Variants in ENTHD1 observed in about 807,000 individuals in gnomAD.
ENTHD1 encodes ENTH domain-containing protein 1.
In ENTHD1, 23 loss-of-function variants were observed where a neutral mutation model predicts 39.1. The ratio of observed to expected loss-of-function variants is 0.59; its 90% CI spans 0.42 to 0.83. The LOEUF (loss-of-function observed/expected upper bound fraction) is 0.83. Ranked by LOEUF, ENTHD1 falls within the 40% of genes least tolerant of loss-of-function variation. ENTHD1 has a pLI of 0.00. For missense variants in ENTHD1, 624 were observed against 705.4 expected (o/e 0.88, Z 1.31); for synonymous variants, 230 against 258.2 (o/e 0.89, Z 1.05).
At chr22:39,762,648 C>T (rs1268531927) in intron 6 of ENTHD1, among the ~76,000 whole-genome samples, 1 of 152,032 alleles carries the variant, frequency 6.6e-6, no homozygotes, top group African/African-American at 2.4e-5. Context: ...GATGGGGTCT[C>T]CCTATGTTGC....
chr22:39,814,295 CAA>C (rs77915572), intron 5 of ENTHD1, among the ~76,000 whole-genome samples: 14 of 97,660 alleles, frequency 1.4e-4, no homozygotes, highest in Admixed American at 2.2e-4. Flanking sequence ...CCCATCTCTA[CAA>C]AAAAAAAAAA....
At position 39,791,587 on chromosome 22, in the gene ENTHD1, G is replaced by A. The variant is rs1011439763; in HGVS notation, c.833-25978C>T. On this transcript the variant is annotated intron_variant, in intron 5 of 6. Transcript: ENST00000325157. ...TTTTTTTTGTATTTTTATTAGAGACGGGGTTTTGCCATGTTGCCTAGACTG... is the reference window on the plus strand; with the variant it reads ...TTTTTTTTGTATTTTTATTAGAGACAGGGTTTTGCCATGTTGCCTAGACTG... Among the ~76,000 whole-genome samples the A allele has an allele frequency of 5.3e-5, 8 of 151,838 alleles. No individual in the cohort carries two copies. In the South Asian group the frequency reaches 8.4e-4, roughly 16 times the overall value.
chr22:39,858,119 G>A (rs956794374), intron 3 of ENTHD1, among the ~76,000 whole-genome samples: 1 of 152,188 alleles, frequency 6.6e-6, no homozygotes, highest in Non-Finnish European at 1.5e-5. Flanking sequence ...CAAAATTGGA[G>A]TCAATCCTCT....
intron 4 of ENTHD1, among the ~76,000 whole-genome samples, chr22:39,823,659 T>C (rs2065800290): frequency 6.6e-6 from 1 of 152,204 alleles, no homozygotes; most frequent in African/African-American, 2.4e-5. Flanking sequence ...GCCTAGATGT[T>C]CATATCTCTG....
At chr22:39,861,334 G>A (rs1172761947) in intron 3 of ENTHD1, among the ~76,000 whole-genome samples, 1 of 152,192 alleles carries the variant, frequency 6.6e-6, no homozygotes, top group East Asian at 1.9e-4. Context: ...GAGGTCATGA[G>A]TTCGAGACCA....
At chr22:39,777,198 TAATA>T (rs1268418401) in intron 5 of ENTHD1, among the ~76,000 whole-genome samples, 12 of 152,214 alleles carry the variant, frequency 7.9e-5, no homozygotes, top group Non-Finnish European at 1.8e-4. Context: ...AGTTATAAAT[TAATA>T]TAGAGGGGTG....
chr22:39,862,546 C>CA (rs553393294), intron 2 of ENTHD1, among the ~76,000 whole-genome samples: 14,993 of 69,840 alleles, frequency 0.21, 1,015 homozygotes, highest in South Asian at 0.35. Flanking sequence ...GACTCTGTCT[C>CA]AAAAAAAAAA....
At chr22:39,817,799 C>A (rs1031153012) in intron 5 of ENTHD1, among the ~76,000 whole-genome samples, 3 of 152,092 alleles carry the variant, frequency 2.0e-5, no homozygotes, top group African/African-American at 4.8e-5. Context: ...GTTTAGCATG[C>A]AGAAAGATTT....
At chr22:39,876,243 T>C in intron 2 of ENTHD1, 2 of 1,141,520 alleles carry the variant, frequency 1.8e-6, no homozygotes, top group Non-Finnish European at 2.4e-6. Flanking sequence ...TTTGCAAACA[T>C]TAATGTGAAA....
At chr22:39,831,298 A>G (rs190510473) in intron 4 of ENTHD1, among the ~76,000 whole-genome samples, 47 of 152,334 alleles carry the variant, frequency 3.1e-4, no homozygotes, top group Admixed American at 2.0e-3. Context: ...TATCTCTGAT[A>G]CCAGCAAAAG....
chr22:39,889,909 C>T (rs955340790), intron 1 of ENTHD1, among the ~76,000 whole-genome samples: 1 of 151,874 alleles, frequency 6.6e-6, no homozygotes, highest in African/African-American at 2.4e-5. Flanking sequence ...CCAGCCTGGA[C>T]AACATGGTGA....
chr22:39,756,321 C>CACAG (rs2065185305), intron 6 of ENTHD1, among the ~76,000 whole-genome samples: 2 of 151,616 alleles, frequency 1.3e-5, no homozygotes, highest in Non-Finnish European at 2.9e-5. Context: ...CTCTCTCACA[C>CACAG]ACACACACAC....
chr22:39,887,811 G>A lies in ENTHD1; in HGVS notation c.-63C>T, dbSNP rs182947850. ...GCAATGGAATAACAGTTTATGTCAC[G>A]GGTTTATAAAACTCTTGACAGGTAA... On this transcript the variant is annotated 5_prime_UTR_variant, in exon 2 of 7. Transcript: ENST00000325157. The A allele has an allele frequency of 2.4e-5, 31 of 1,269,150 alleles. No individual in the cohort carries two copies. In the African/African-American group the frequency reaches 2.5e-4, roughly 10 times the overall value. 78.6% of individuals were successfully genotyped at this position (1,269,150 alleles called of 1,614,324 possible).
chr22:39,880,206 C>G (rs1425819613), intron 2 of ENTHD1, among the ~76,000 whole-genome samples: 1 of 152,162 alleles, frequency 6.6e-6, no homozygotes, highest in African/African-American at 2.4e-5. Flanking sequence ...TGCACTCCAG[C>G]CCAGTGACAG....
intron 5 of ENTHD1, among the ~76,000 whole-genome samples, chr22:39,782,914 TG>T (rs1472448312): frequency 6.6e-6 from 1 of 152,176 alleles, no homozygotes; most frequent in Non-Finnish European, 1.5e-5. Flanking sequence ...AATATAGTAT[TG>T]GAAGTCCTGG....
At chr22:39,773,117 C>CAAAAAAAAAA (rs57398699) in intron 5 of ENTHD1, among the ~76,000 whole-genome samples, 5 of 36,142 alleles carry the variant, frequency 1.4e-4, no homozygotes, top group African/African-American at 4.1e-4. Context: ...GACCTCATCT[C>CAAAAAAAAAA]AAAAAAAAAA....
At chr22:39,856,684 CG>C (rs1256643160) in intron 3 of ENTHD1, among the ~76,000 whole-genome samples, 2 of 151,678 alleles carry the variant, frequency 1.3e-5, no homozygotes, top group African/African-American at 2.4e-5. Context: ...GATCTTGTCT[CG>C]AAAAAATATT....
intron 5 of ENTHD1, among the ~76,000 whole-genome samples, chr22:39,808,316 A>G (rs949920585): frequency 3.3e-5 from 5 of 152,046 alleles, no homozygotes; most frequent in African/African-American, 9.7e-5. Flanking sequence ...CTGATACCTC[A>G]TTTGTTTGAT....
At chr22:39,821,932 G>A (rs1033669809) in intron 4 of ENTHD1, among the ~76,000 whole-genome samples, 2 of 152,120 alleles carry the variant, frequency 1.3e-5, no homozygotes, top group Admixed American at 6.6e-5. Flanking sequence ...GTCACCTCCC[G>A]AAGATCCCGC....
Sources: allele counts gnomAD v4.1 joint callset (sites outside exome capture counted in the v4.1 genomes callset), GRCh38; gene constraint gnomAD v4.1.1; transcripts MANE v1.5; gene names NCBI Gene and HGNC (gene_info 2026-07-23, HGNC 2026-07-21).